The following FOXO3 variants were observed in gnomAD, a reference collection of about 807,000 sequenced individuals.
FOXO3 encodes forkhead box protein O3.
A neutral mutation model predicts 41.9 loss-of-function variants in FOXO3; 4 were observed. The ratio of observed to expected loss-of-function variants is 0.10; its 90% CI spans 0.05 to 0.22. FOXO3 has a LOEUF of 0.22. Among genes scored for constraint, FOXO3 ranks in the 10% least tolerant of loss-of-function variants. FOXO3 has a pLI of 1.00. For synonymous variants in FOXO3, 318 were observed against 389.3 expected (o/e 0.82, Z 2.16); for missense variants, 534 against 906.8 (o/e 0.59, Z 5.28).
intron 1 of FOXO3, among the ~76,000 whole-genome samples, chr6:108,591,772 G>A (rs1019238300): frequency 6.6e-6 from 1 of 151,986 alleles, no homozygotes; most frequent in Non-Finnish European, 1.5e-5. Context: ...TTTTGGGATT[G>A]TACTTTATGC....
At chr6:108,650,562 A>G (rs1778520986) in intron 1 of FOXO3, among the ~76,000 whole-genome samples, 1 of 152,176 alleles carries the variant, frequency 6.6e-6, no homozygotes, top group East Asian at 1.9e-4. Flanking sequence ...TAGCATGTAC[A>G]TGAAGTAGAT....
At position 108,682,420 on chromosome 6, in the gene FOXO3, A is replaced by G. The variant is rs1770897484; in HGVS notation, c.*2628A>G. ...GTTTTTTCTTTTTCAAGTAACTAAA[A>G]CAGCATCTACATGTAGAGTGTTGTG... On this transcript the variant is annotated 3_prime_UTR_variant, in exon 3 of 3. Coordinates refer to ENST00000406360, the MANE Select transcript of FOXO3 (RefSeq NM_001455.4). The G allele has an allele frequency of 6.6e-6, 1 of 152,444 alleles. No homozygotes were observed. Among genetic ancestry groups the G allele is most frequent in the African/African-American group, 2.4e-5 (1 of 41,474 alleles). 9.4% of individuals were successfully genotyped at this position (152,444 alleles called of 1,614,324 possible).
chr6:108,560,802 C>G, upstream of FOXO3: 1 of 369,554 alleles, frequency 2.7e-6, no homozygotes, highest in Non-Finnish European at 4.4e-6. Flanking sequence ...TCCCCCTTCT[C>G]CCCGCCCCGC....
At chr6:108,577,626 TG>T (rs1161522699) in intron 1 of FOXO3, among the ~76,000 whole-genome samples, 1 of 152,224 alleles carries the variant, frequency 6.6e-6, no homozygotes, top group Admixed American at 6.5e-5. Context: ...GTATGGGGCC[TG>T]GGCATCTATG....
intron 1 of FOXO3, among the ~76,000 whole-genome samples, chr6:108,609,707 C>T (rs112577967): frequency 0.021 from 3,207 of 152,248 alleles, 116 homozygotes; most frequent in African/African-American, 0.071. Flanking sequence ...CCACTTGTGC[C>T]AACAAAGCGA....
At position 108,663,540 on chromosome 6, in the gene FOXO3, T is replaced by A; in HGVS notation, c.707T>A (p.Ile236Asn). ...EGTGKSSWWI[I>N]NPDGGKSGKA... ...ACTGGCAAGAGCTCTTGGTGGATCA[T>A]CAACCCTGATGGGGGGAAGAGCGGA... Residue 236 changes from isoleucine (I) to asparagine (N), a missense_variant, in exon 2 of 3, where the codon ATC (isoleucine) becomes AAC (asparagine). Ile to Asn is a moderately radical substitution (Grantham distance 149, BLOSUM62 -3). Transcript: ENST00000406360. The A allele has an allele frequency of 1.2e-6, 2 of 1,613,690 alleles. No homozygotes were observed. Among genetic ancestry groups the A allele is most frequent in the Middle Eastern group, 1.7e-4 (1 of 6,052 alleles).
At chr6:108,608,120 A>C (rs1313734533) in intron 1 of FOXO3, among the ~76,000 whole-genome samples, 1 of 152,152 alleles carries the variant, frequency 6.6e-6, no homozygotes, top group East Asian at 1.9e-4. Flanking sequence ...CATTTTATTC[A>C]TCAGAAGTAA....
chr6:108,562,901 C>G (rs1158216494), intron 1 of FOXO3, among the ~76,000 whole-genome samples: 1 of 152,204 alleles, frequency 6.6e-6, no homozygotes, highest in Non-Finnish European at 1.5e-5. Flanking sequence ...GCCCCTTCCC[C>G]CAAGACAGTG....
At chr6:108,584,820 T>C (rs1425120345) in intron 1 of FOXO3, among the ~76,000 whole-genome samples, 1 of 152,094 alleles carries the variant, frequency 6.6e-6, no homozygotes, top group Non-Finnish European at 1.5e-5. Flanking sequence ...ATGATAGCCT[T>C]TCCTAAGGAG....
At chr6:108,569,998 T>TA (rs1776053117) in intron 1 of FOXO3, among the ~76,000 whole-genome samples, 1 of 34,154 alleles carries the variant, frequency 2.9e-5, no homozygotes, top group Non-Finnish European at 1.0e-4. Flanking sequence ...TTTTTTTTTT[T>TA]TTTTTTTTTT....
Position 108,561,612 on chromosome 6 carries a change from C to T in FOXO3, c.404C>T (p.Pro135Leu), listed in dbSNP as rs774445254. The T allele has an allele frequency of 4.8e-5, 74 of 1,535,482 alleles. No individual in the cohort carries two copies. The highest frequency in any genetic ancestry group is 2.0e-4 in the Middle Eastern group (1 of 4,954). The change falls in exon 1 of 3, where the codon CCG becomes CTG. Residue 135 changes from proline (P) to leucine (L), a missense_variant. Coordinates refer to ENST00000406360, the MANE Select transcript of FOXO3 (RefSeq NM_001455.4). Reference protein sequence around the residue: ...ALLQPQQPLPPPQPGAAGGSG... With the variant: ...ALLQPQQPLPLPQPGAAGGSG... ...CTGCAGCCTCAGCAACCGCTGCCAC[C>T]GCCGCAGCCGGGGGCGGCTGGGGGC...
At chr6:108,631,826 T>C (rs1777984532) in intron 1 of FOXO3, among the ~76,000 whole-genome samples, 2 of 152,192 alleles carry the variant, frequency 1.3e-5, no homozygotes, top group Admixed American at 1.3e-4. Context: ...CTGTTCTTTA[T>C]GGTTTTGTTA....
intron 1 of FOXO3, among the ~76,000 whole-genome samples, chr6:108,636,025 G>A (rs1014870959): frequency 1.3e-5 from 2 of 152,256 alleles, no homozygotes; most frequent in African/African-American, 4.8e-5. Flanking sequence ...CACAAAGCGG[G>A]ATTAAGCTTG....
rs113367269 is a variant in FOXO3, at chr6:108,664,690, C to T, written c.1857C>T (p.Ser619=). 6.8e-3 allele frequency: 7,334 copies of T among 1,080,658 alleles called. 52 individuals carry two copies. The highest frequency in any genetic ancestry group is 0.026 in the Middle Eastern group (96 of 3,760). The allele number at this position is 1,080,658 out of a possible 1,614,324, so 66.9% of individuals were successfully genotyped here. Reference sequence around the variant, plus strand: ...TGGACCTGGACATGTTCAATGGGAGCTTGGAATGTGACATGGAGTCCATTA... The same window carrying T: ...TGGACCTGGACATGTTCAATGGGAGTTTGGAATGTGACATGGAGTCCATTA... The part of the protein sequence containing the change: ...SDLDLDMFNG[S]LECDMESIIR... The change falls in exon 2 of 3, where the codon AGC becomes AGT. Residue 619 remains serine (S), a synonymous_variant. Coordinates refer to ENST00000406360, the MANE Select transcript of FOXO3 (RefSeq NM_001455.4).
intron 1 of FOXO3, among the ~76,000 whole-genome samples, chr6:108,601,324 GA>G (rs1300080345): frequency 3.3e-5 from 5 of 152,054 alleles, no homozygotes; most frequent in African/African-American, 1.2e-4. Context: ...TTATTTTTGA[GA>G]CAGAGTCTTG....
intron 1 of FOXO3, among the ~76,000 whole-genome samples, chr6:108,573,223 C>G (rs1164319881): frequency 1.3e-5 from 2 of 151,824 alleles, no homozygotes; most frequent in Non-Finnish European, 2.9e-5. Context: ...GGAGGCGGAG[C>G]TTGCAGTGAG....
chr6:108,606,134 A>G (rs989138685), intron 1 of FOXO3, among the ~76,000 whole-genome samples: 6 of 152,238 alleles, frequency 3.9e-5, no homozygotes, highest in Non-Finnish European at 8.8e-5. Flanking sequence ...CTAATTTGGT[A>G]TTAAAGGTTT....
At chr6:108,603,315 A>T (rs1777106087) in intron 1 of FOXO3, among the ~76,000 whole-genome samples, 1 of 152,214 alleles carries the variant, frequency 6.6e-6, no homozygotes, top group South Asian at 2.1e-4. Flanking sequence ...AGACTAGCAG[A>T]ATCTGGCATT....
intron 1 of FOXO3, among the ~76,000 whole-genome samples, chr6:108,659,411 A>G (rs1778782288): frequency 6.6e-6 from 1 of 152,222 alleles, no homozygotes; most frequent in Admixed American, 6.5e-5. Flanking sequence ...GAAAGGTTGT[A>G]GAAAAAGCAG....
Sources: gnomAD v4.1 joint callset for allele counts (sites outside exome capture counted in the v4.1 genomes callset) on GRCh38, gnomAD v4.1.1 for gene constraint, MANE v1.5 for transcripts, NCBI Gene and HGNC (gene_info 2026-07-23, HGNC 2026-07-21) for gene names.